SUCLG2: variants seen among roughly 807,000 people sequenced by gnomAD.
SUCLG2 encodes the protein succinate--CoA ligase [GDP-forming] subunit beta, mitochondrial.
SUCLG2 carries 42 observed loss-of-function variants against 47.9 expected under a neutral mutation model. The observed-to-expected ratio is 0.88, with a 90% CI of 0.69 to 1.14. The LOEUF is 1.14. Ranked by LOEUF, SUCLG2 falls within the 50% of genes most tolerant of loss-of-function variation. The probability of loss-of-function intolerance (pLI) is 0.00; values close to 1 mark genes in which losing one functional copy is unlikely to be tolerated. For missense variants in SUCLG2, 571 were observed against 525.9 expected, an observed-to-expected ratio of 1.09 and a Z score of -0.84; for synonymous variants, 195 against 197.3, an observed-to-expected ratio of 0.99 and a Z score of 0.10.
At position 67,484,141 on chromosome 3, in the gene SUCLG2, C is replaced by A. The variant is rs185473071; in HGVS notation, c.1062+11657G>T. On this transcript the variant is annotated intron_variant, in intron 9 of 10. Coordinates refer to ENST00000307227, the MANE Select transcript of SUCLG2 (RefSeq NM_003848.4). ...CCACAATCCTTCCTGTACAACCAAC[C>A]ATTTCCTGTACGCATTGCCTCTGGC... is the stretch of plus-strand genomic sequence containing the variant. Among the ~76,000 whole-genome samples the A allele has an allele frequency of 2.7e-3, 404 of 152,318 alleles. 4 individuals carry two copies. Among genetic ancestry groups the A allele is most frequent in the Non-Finnish European group, 4.1e-3 (282 of 68,030 alleles).
chr3:67,394,378 G>A (rs1575666765), intron 10 of SUCLG2, among the ~76,000 whole-genome samples: 1 of 150,470 alleles, frequency 6.6e-6, no homozygotes, highest in African/African-American at 2.5e-5. Context: ...GAAGAATGCA[G>A]AAGCCTCAGG....
intron 10 of SUCLG2, among the ~76,000 whole-genome samples, chr3:67,362,314 C>T (rs1559631803): frequency 6.6e-6 from 1 of 152,148 alleles, no homozygotes; most frequent in African/African-American, 2.4e-5. Context: ...CTCCCCTGGC[C>T]CCTTACGTTG....
intron 9 of SUCLG2, among the ~76,000 whole-genome samples, chr3:67,421,730 C>G (rs1483331784): frequency 1.3e-5 from 2 of 152,088 alleles, no homozygotes; most frequent in Non-Finnish European, 2.9e-5. Context: ...ATTTTGTCAT[C>G]TACTATTACA....
At chr3:67,398,519 C>A (rs1310727195) in intron 10 of SUCLG2, among the ~76,000 whole-genome samples, 23 of 151,826 alleles carry the variant, frequency 1.5e-4, no homozygotes, top group Non-Finnish European at 2.5e-4. Flanking sequence ...AGTCAGGAAA[C>A]AACAGGTGCT....
intron 1 of SUCLG2, among the ~76,000 whole-genome samples, chr3:67,620,584 CAAAAAAAA>C (rs71109890): frequency 1.6e-5 from 1 of 63,518 alleles, no homozygotes; most frequent in Non-Finnish European, 2.9e-5. Flanking sequence ...GACTCCATCT[CAAAAAAAA>C]AAAAAAAAAA....
intron 2 of SUCLG2, among the ~76,000 whole-genome samples, chr3:67,604,745 T>C (rs1708491511): frequency 6.6e-6 from 1 of 152,094 alleles, no homozygotes; most frequent in South Asian, 2.1e-4. Context: ...AACAGACAAC[T>C]AGGAATGCAG....
chr3:67,541,126 C>G (rs1399173629), intron 2 of SUCLG2, among the ~76,000 whole-genome samples: 2 of 152,102 alleles, frequency 1.3e-5, no homozygotes, highest in Non-Finnish European at 2.9e-5. Context: ...GCTGAAAATT[C>G]CAAAAACCAG....
At chr3:67,599,647 T>G (rs1284487365) in intron 2 of SUCLG2, among the ~76,000 whole-genome samples, 1 of 151,634 alleles carries the variant, frequency 6.6e-6, no homozygotes, top group African/African-American at 2.4e-5. Context: ...CCCCCTGTTA[T>G]CCACGTCCCA....
chr3:67,486,631 C>A (rs1054202943), intron 9 of SUCLG2, among the ~76,000 whole-genome samples: 1 of 152,110 alleles, frequency 6.6e-6, no homozygotes, highest in African/African-American at 2.4e-5. Flanking sequence ...CCGAATGAAG[C>A]TTATCTAGCA....
chr3:67,375,063 T>A lies in SUCLG2; in HGVS notation c.*681A>T. On this transcript the variant is annotated 3_prime_UTR_variant, in exon 11 of 11. Coordinates refer to ENST00000307227, the MANE Select transcript of SUCLG2 (RefSeq NM_003848.4). Reference sequence around the variant, plus strand: ...CACTCCCAAAATCACAAATAAGGCTTCTGGTTTTCTTTTTAGTGTGAGGTA... The same window carrying A: ...CACTCCCAAAATCACAAATAAGGCTACTGGTTTTCTTTTTAGTGTGAGGTA... The A allele has an allele frequency of 1.0e-6, 1 of 985,828 alleles. No individual in the cohort carries two copies. The highest frequency in any genetic ancestry group is 1.2e-6 in the Non-Finnish European group (1 of 829,894). The allele number at this position is 985,828 out of a possible 1,614,324, so 61.1% of individuals were successfully genotyped here. A position where few individuals can be genotyped will look rare whatever the true frequency, so the allele number is the denominator to read the frequency against.
Position 67,534,768 on chromosome 3 carries a change from C to CAAAAAAAAAAAAAAAAAAAAA in SUCLG2, c.227-5603_227-5583dup, listed in dbSNP as rs60612549. ...GGACAGAACTCCCTAACACTGATGG[C>CAAAAAAAAAAAAAAAAAAAAA]AAAAAAAAAAAAAAAAAAAAAAAAA... is the stretch of plus-strand genomic sequence containing the variant. On this transcript the variant is annotated intron_variant, in intron 2 of 10. Coordinates refer to ENST00000307227, the MANE Select transcript of SUCLG2 (RefSeq NM_003848.4). Among the ~76,000 whole-genome samples the CAAAAAAAAAAAAAAAAAAAAA allele has an allele frequency of 1.7e-4, 6 of 34,932 alleles. 1 individual carries two copies. Among genetic ancestry groups the CAAAAAAAAAAAAAAAAAAAAA allele is most frequent in the African/African-American group, 5.3e-4 (6 of 11,292 alleles). 22.9% of individuals were successfully genotyped at this position (34,932 alleles called of 152,430 possible).
In SUCLG2 at chr3:67,479,404, T is replaced by A. The variant is rs532499811; in HGVS notation, c.1062+16394A>T. 3.3e-5 allele frequency among the ~76,000 whole-genome samples: 5 copies of A among 152,300 alleles called. No individual in the cohort carries two copies. The South Asian group carries it at 8.3e-4, about 25-fold the overall frequency. On this transcript the variant is annotated intron_variant, in intron 9 of 10. Transcript: ENST00000307227. ...CTCAGCAAAGACCTTATGTCACATATCATTATGAATCAATTTTCTTGACCA... is the reference window on the plus strand; with the variant it reads ...CTCAGCAAAGACCTTATGTCACATAACATTATGAATCAATTTTCTTGACCA...
chr3:67,395,208 A>G (rs950793168), intron 10 of SUCLG2, among the ~76,000 whole-genome samples: 2 of 152,152 alleles, frequency 1.3e-5, no homozygotes, highest in African/African-American at 2.4e-5. Context: ...AAATGCTCCA[A>G]TTAAAAGACA....
intron 9 of SUCLG2, among the ~76,000 whole-genome samples, chr3:67,415,629 C>A (rs759985410): frequency 6.6e-6 from 1 of 152,218 alleles, no homozygotes; most frequent in Non-Finnish European, 1.5e-5. Context: ...AGTCACCTTA[C>A]TGGCCAACTT....
intron 2 of SUCLG2, among the ~76,000 whole-genome samples, chr3:67,530,209 C>A (rs1158856953): frequency 6.6e-6 from 1 of 152,142 alleles, no homozygotes; most frequent in Non-Finnish European, 1.5e-5. Flanking sequence ...CCTCACCCAG[C>A]TGTGTGACAT....
chr3:67,437,992 T>C (rs867556018), intron 9 of SUCLG2, among the ~76,000 whole-genome samples: 2 of 152,124 alleles, frequency 1.3e-5, no homozygotes, highest in East Asian at 3.9e-4. Context: ...AGAATACATA[T>C]ACGTGATGCA....
intron 2 of SUCLG2, among the ~76,000 whole-genome samples, chr3:67,592,743 A>AAAAAAAAC (rs1559587055): frequency 1.6e-4 from 24 of 148,586 alleles, no homozygotes; most frequent in African/African-American, 5.6e-4. Flanking sequence ...AAAACAACAA[A>AAAAAAAAC]AAAAAACTGA....
At chr3:67,436,355 G>A (rs1349563055) in intron 9 of SUCLG2, among the ~76,000 whole-genome samples, 8 of 152,152 alleles carry the variant, frequency 5.3e-5, no homozygotes, top group Admixed American at 3.9e-4. Context: ...ACCCCAAAGA[G>A]AGCCCACAAG....
chr3:67,605,506 T>C (rs1262923861), intron 2 of SUCLG2, among the ~76,000 whole-genome samples: 2 of 152,194 alleles, frequency 1.3e-5, no homozygotes, highest in Non-Finnish European at 2.9e-5. Context: ...CTACCAAAAC[T>C]ACTCACTGAG....
Sources: allele counts gnomAD v4.1 joint callset (sites outside exome capture counted in the v4.1 genomes callset), GRCh38; gene constraint gnomAD v4.1.1; transcripts MANE v1.5; gene names NCBI Gene and HGNC (gene_info 2026-07-23, HGNC 2026-07-21).